Variants in NKIRAS1 observed in about 807,000 individuals in gnomAD.
The protein encoded by NKIRAS1 is NF-kappa-B inhibitor-interacting Ras-like protein 1.
NKIRAS1 carries 16 observed loss-of-function variants against 19.8 expected under a neutral mutation model. The ratio of observed to expected loss-of-function variants is 0.81; its 90% confidence interval spans 0.55 to 1.23. The LOEUF is 1.23. Ranked by LOEUF, NKIRAS1 falls within the 50% of genes most tolerant of loss-of-function variation. The pLI, the probability that NKIRAS1 is intolerant of heterozygous loss-of-function variation, is 0.00. For missense variants in NKIRAS1, 184 were observed against 220.0 expected, an observed-to-expected ratio of 0.84 and a Z score of 1.04; for synonymous variants, 88 against 79.0, an observed-to-expected ratio of 1.11 and a Z score of -0.61.
chr3:23,942,391 C>A (rs1177155436), intron 1 of NKIRAS1, among the ~76,000 whole-genome samples: 2 of 152,084 alleles, frequency 1.3e-5, no homozygotes, highest in East Asian at 3.9e-4. Flanking sequence ...TTACCACTAT[C>A]GAACCTACAC....
Position 23,926,489 on chromosome 3 carries a change from T to G in NKIRAS1, c.-139-15039A>C, listed in dbSNP as rs528856944. On this transcript the variant is annotated intron_variant, in intron 1 of 4. Transcript: ENST00000421515. This position sits in a 1 kb window ranked among gnomAD's most constrained non-coding sequence, Gnocchi z 4.3. Reference sequence around the variant, plus strand: ...TCTTCTTCCTCTTTCTCTCCTTCTCTTTCCTCTTCCTCTTCTTCCTCTTCT... The same window carrying G: ...TCTTCTTCCTCTTTCTCTCCTTCTCGTTCCTCTTCCTCTTCTTCCTCTTCT... 6.8e-4 allele frequency among the ~76,000 whole-genome samples: 103 copies of G among 152,300 alleles called. 1 individual carries two copies. The highest frequency in any genetic ancestry group is 3.4e-3 in the Middle Eastern group (1 of 294).
At chr3:23,941,740 T>G (rs1404094000) in intron 1 of NKIRAS1, among the ~76,000 whole-genome samples, 1 of 152,130 alleles carries the variant, frequency 6.6e-6, no homozygotes, top group Non-Finnish European at 1.5e-5. Context: ...GGTGACTGAC[T>G]TGGGTTATAG....
Position 23,893,116 on chromosome 3 carries a change from C to G in NKIRAS1, c.558G>C (p.Gly186=). 1 of 1,572,222 alleles carries G rather than the reference C, an allele frequency of 6.4e-7. No individual in the cohort carries two copies. Among genetic ancestry groups the G allele is most frequent in the Non-Finnish European group, 8.6e-7 (1 of 1,162,492 alleles). ...ATTTTTAGTTCTCAGAATTAGAGTT[C>G]CCTTTGTTTTTCCTCCCAGGCAAAG... ...SFPLPGRKNK[G]NSNSEN The change falls in exon 5 of 5, where the codon GGG becomes GGC. Residue 186 remains glycine (G), a synonymous_variant. Coordinates refer to ENST00000425478, the MANE Select transcript of NKIRAS1 (RefSeq NM_020345.4).
In NKIRAS1 at chr3:23,906,002, C is replaced by T. The variant is rs143977916; in HGVS notation, c.94+4809G>A. Reference sequence around the variant, plus strand: ...GGTGAAACCCTGTCTCTACTAAAAACACAAAAATTAGCCAGGCATGATGGC... The same window carrying T: ...GGTGAAACCCTGTCTCTACTAAAAATACAAAAATTAGCCAGGCATGATGGC... On this transcript the variant is annotated intron_variant, in intron 3 of 4. Coordinates refer to ENST00000425478, the MANE Select transcript of NKIRAS1 (RefSeq NM_020345.4). Among the ~76,000 whole-genome samples the T allele has an allele frequency of 5.4e-3, 817 of 151,622 alleles. 8 individuals are homozygous for T. The highest frequency in any genetic ancestry group is 0.019 in the African/African-American group (798 of 41,432).
upstream of NKIRAS1, chr3:23,917,527 T>G: frequency 4.3e-6 from 1 of 234,550 alleles, no homozygotes; most frequent in Non-Finnish European, 8.3e-6. Context: ...TGTCCTGTGA[T>G]GTCAGCGGCA....
chr3:23,941,739 C>G (rs1705501184), intron 1 of NKIRAS1, among the ~76,000 whole-genome samples: 1 of 152,108 alleles, frequency 6.6e-6, no homozygotes, highest in Admixed American at 6.5e-5. Context: ...TGGTGACTGA[C>G]TTGGGTTATA....
At chr3:23,934,764 G>T (rs1705364908) in intron 1 of NKIRAS1, among the ~76,000 whole-genome samples, 1 of 151,746 alleles carries the variant, frequency 6.6e-6, no homozygotes, top group African/African-American at 2.4e-5. Context: ...CCCATCTTCT[G>T]AGAAAATAAA....
Position 23,900,914 on chromosome 3 carries a change from G to A in NKIRAS1, c.230C>T (p.Ser77Leu). The A allele has an allele frequency of 6.2e-7, 1 of 1,614,132 alleles. No individual in the cohort carries two copies. Among genetic ancestry groups the A allele is most frequent in the Non-Finnish European group, 8.5e-7 (1 of 1,180,012 alleles). The change falls in exon 4 of 5, where the codon TCA becomes TTA. Residue 77 changes from serine (S) to leucine (L), a missense_variant. Physicochemically the swap from Ser to Leu is moderately radical, Grantham distance 145. Coordinates refer to ENST00000425478, the MANE Select transcript of NKIRAS1 (RefSeq NM_020345.4). The part of the protein sequence containing the change: ...EGVELPKHYF[S>L]FADGFVLVYS... ...CACAAGAACGAAGCCATCAGCAAAT[G>A]AAAAATAATGCTTTGGCAGCTCCAC...
intron 1 of NKIRAS1, among the ~76,000 whole-genome samples, chr3:23,932,866 T>G (rs1477457684): frequency 6.6e-6 from 1 of 152,094 alleles, no homozygotes; most frequent in Non-Finnish European, 1.5e-5. Context: ...ACGTTAACAT[T>G]AATAGAATCA....
chr3:23,920,122 A>G, upstream of NKIRAS1: 1 of 985,676 alleles, frequency 1.0e-6, no homozygotes, highest in Non-Finnish European at 1.2e-6. Context: ...AAGATTGGTA[A>G]GCTAGCAATG....
At chr3:23,913,329 G>C (rs1317614247) in intron 1 of NKIRAS1, among the ~76,000 whole-genome samples, 2 of 152,106 alleles carry the variant, frequency 1.3e-5, no homozygotes, top group Non-Finnish European at 2.9e-5. Flanking sequence ...GGAAAGCAAA[G>C]AGATGACAGA....
At chr3:23,946,288 C>G (rs1240275588) in intron 1 of NKIRAS1, 2 of 985,522 alleles carry the variant, frequency 2.0e-6, no homozygotes, top group South Asian at 9.4e-5. Context: ...GCAAACCAAA[C>G]GAACCGGCGC....
At chr3:23,898,260 T>TAAAAAAAAAA (rs1256327037) in intron 4 of NKIRAS1, among the ~76,000 whole-genome samples, 5 of 152,048 alleles carry the variant, frequency 3.3e-5, no homozygotes, top group Non-Finnish European at 7.4e-5. Context: ...GTATTCTAAA[T>TAAAAAAAAAA]AAAATATCAA....
intron 1 of NKIRAS1, among the ~76,000 whole-genome samples, chr3:23,945,884 G>A (rs1343938769): frequency 6.6e-6 from 1 of 150,576 alleles, no homozygotes; most frequent in Non-Finnish European, 1.5e-5. Flanking sequence ...TACGTTCGGC[G>A]GCGCGCGGGC....
In NKIRAS1 at chr3:23,913,040, CAA is replaced by C. The variant is rs1169515621; in HGVS notation, c.-139-1592_-139-1591del. Among the ~76,000 whole-genome samples the C allele has an allele frequency of 1.3e-4, 6 of 47,698 alleles. No homozygotes were observed. The East Asian group carries it at 1.7e-3, about 14-fold the overall frequency. The allele number at this position is 47,698 out of a possible 152,430, so 31.3% of individuals were successfully genotyped here. ...TGGGTGACAGAGTGAGACTCCGTCT[CAA>C]AAAAAAAAAAAAAAAAAAAAAAGTA... On this transcript the variant is annotated intron_variant, in intron 1 of 4. Coordinates refer to ENST00000425478, the MANE Select transcript of NKIRAS1 (RefSeq NM_020345.4).
chr3:23,902,486 G>A (rs1301836244), intron 3 of NKIRAS1, among the ~76,000 whole-genome samples: 1 of 152,114 alleles, frequency 6.6e-6, no homozygotes, highest in Non-Finnish European at 1.5e-5. Context: ...GGAAATTAAA[G>A]GTTATCTATT....
At position 23,891,917 on chromosome 3, in the gene NKIRAS1, G is replaced by GTGTC. The variant is rs1701498231; in HGVS notation, c.*1174_*1177dup. On this transcript the variant is annotated 3_prime_UTR_variant, in exon 5 of 5. Transcript: ENST00000425478. ...GGGAAAAGGGTAAGGGGGTGAGTTA[G>GTGTC]TGTCTGGTAATTTTTTTTTACCAAA... The GTGTC allele has an allele frequency of 6.6e-6, 1 of 152,162 alleles. No homozygotes were observed. Among genetic ancestry groups the GTGTC allele is most frequent in the Non-Finnish European group, 1.5e-5 (1 of 68,028 alleles). 9.4% of individuals were successfully genotyped at this position (152,162 alleles called of 1,614,324 possible).
At chr3:23,908,587 T>C (rs1040476552) in intron 3 of NKIRAS1, among the ~76,000 whole-genome samples, 2 of 152,212 alleles carry the variant, frequency 1.3e-5, no homozygotes, top group Non-Finnish European at 2.9e-5. Flanking sequence ...ATTTTGAAAA[T>C]ATAATTTTTT....
At chr3:23,902,083 TAATAAAAA>T (rs1223526952) in intron 3 of NKIRAS1, among the ~76,000 whole-genome samples, 15 of 151,912 alleles carry the variant, frequency 9.9e-5, no homozygotes, top group African/African-American at 3.6e-4. Context: ...CAAAAAATAA[TAATAAAAA>T]AATAAAAATA....
Sources: gnomAD v4.1 joint callset for allele counts (sites outside exome capture counted in the v4.1 genomes callset) on GRCh38, gnomAD v4.1.1 for gene constraint, Gnocchi (gnomAD v3.1) non-coding constraint, MANE v1.5 for transcripts, NCBI Gene and HGNC (gene_info 2026-07-23, HGNC 2026-07-21) for gene names.